PPP2R5E: variants seen among roughly 807,000 people sequenced by gnomAD.
The protein encoded by PPP2R5E is protein phosphatase 2 regulatory subunit B'epsilon.
In PPP2R5E, 4 loss-of-function variants were observed where a neutral mutation model predicts 65.3. The observed-to-expected ratio is 0.06, with a 90% CI of 0.03 to 0.14. PPP2R5E has a LOEUF of 0.14. Ranked by LOEUF, PPP2R5E falls within the 10% of genes least tolerant of loss-of-function variation. The probability of loss-of-function intolerance (pLI) is 1.00; values close to 1 mark genes in which losing one functional copy is unlikely to be tolerated. For missense variants in PPP2R5E, 274 were observed against 556.1 expected (o/e 0.49, Z 5.10); for synonymous variants, 183 against 187.4 (o/e 0.98, Z 0.19).
chr14:63,521,992 G>T (rs898230247), intron 2 of PPP2R5E, among the ~76,000 whole-genome samples: 1 of 114,566 alleles, frequency 8.7e-6, no homozygotes, highest in Non-Finnish European at 1.7e-5. Flanking sequence ...CTCTGATACC[G>T]AGCCGAAGCT....
chr14:63,455,332 T>A (rs1889057537), intron 2 of PPP2R5E, among the ~76,000 whole-genome samples: 1 of 152,172 alleles, frequency 6.6e-6, no homozygotes, highest in Non-Finnish European at 1.5e-5. Context: ...TAAACCTAGA[T>A]GAGAGTGGAT....
chr14:63,514,249 C>A (rs746840145), intron 2 of PPP2R5E, among the ~76,000 whole-genome samples: 12 of 152,142 alleles, frequency 7.9e-5, no homozygotes, highest in Non-Finnish European at 1.5e-4. Flanking sequence ...AACACTTATT[C>A]CACACCTCCT....
intron 2 of PPP2R5E, among the ~76,000 whole-genome samples, chr14:63,522,134 C>G (rs995188115): frequency 6.6e-6 from 1 of 151,996 alleles, no homozygotes; most frequent in Non-Finnish European, 1.5e-5. Flanking sequence ...TTGGTGGAGA[C>G]GGGGTTTCGC....
intron 3 of PPP2R5E, among the ~76,000 whole-genome samples, chr14:63,447,276 T>A (rs1888530952): frequency 6.6e-6 from 1 of 152,262 alleles, no homozygotes; most frequent in Admixed American, 6.5e-5. Context: ...GAAACTCTGT[T>A]GTTTGGTGTA....
chr14:63,506,551 G>C (rs762663765), intron 2 of PPP2R5E, among the ~76,000 whole-genome samples: 1 of 152,166 alleles, frequency 6.6e-6, no homozygotes, highest in East Asian at 1.9e-4. Context: ...CAAATGGCCA[G>C]TAAGAACATG....
intron 3 of PPP2R5E, among the ~76,000 whole-genome samples, chr14:63,445,518 G>A (rs1436386289): frequency 6.6e-6 from 1 of 152,116 alleles, no homozygotes; most frequent in Admixed American, 6.5e-5. Flanking sequence ...GGTAGCTGAA[G>A]GCTGAGGTGG....
chr14:63,390,719 G>A (rs187311365), intron 10 of PPP2R5E, among the ~76,000 whole-genome samples: 3 of 152,288 alleles, frequency 2.0e-5, no homozygotes, highest in African/African-American at 4.8e-5. Context: ...AAATATAGTA[G>A]ACCCTTGCCA....
chr14:63,517,739 C>T (rs908700991), intron 2 of PPP2R5E, among the ~76,000 whole-genome samples: 71 of 152,090 alleles, frequency 4.7e-4, no homozygotes, highest in Non-Finnish European at 8.8e-4. Context: ...AACTTCATTC[C>T]ATTTGTCAAA....
Position 63,503,469 on chromosome 14 carries a change from T to A in PPP2R5E, c.157+36060A>T, listed in dbSNP as rs187027195. 1.4e-3 allele frequency among the ~76,000 whole-genome samples: 210 copies of A among 152,204 alleles called. 1 individual carries two copies. Among genetic ancestry groups the A allele is most frequent in the Middle Eastern group, 3.4e-3 (1 of 294 alleles). ...GACTGCATATCCCCCAGGTAAAAGA[T>A]AGCAAATCAACAACTCCAACCAATT... On this transcript the variant is annotated intron_variant, in intron 2 of 13. Coordinates refer to ENST00000337537, the MANE Select transcript of PPP2R5E (RefSeq NM_006246.5).
rs748146106 is a variant in PPP2R5E at position 63,520,859 on chromosome 14, CAAAAAAAAA to C, written c.157+18661_157+18669del. ...TGAAACCTCATCTCTACTAAAAATA[CAAAAAAAAA>C]AAAAAAAAAAAAAAAAAACAATTAG... is the stretch of plus-strand genomic sequence containing the variant. On this transcript the variant is annotated intron_variant, in intron 2 of 13. Coordinates refer to ENST00000337537, the MANE Select transcript of PPP2R5E (RefSeq NM_006246.5). Among the ~76,000 whole-genome samples, 17 of 58,530 alleles carry C rather than the reference CAAAAAAAAA, an allele frequency of 2.9e-4. No individual in the cohort carries two copies. In the East Asian group the frequency reaches 0.01, roughly 36 times the overall value. The allele number at this position is 58,530 out of a possible 152,430, so 38.4% of individuals were successfully genotyped here.
Position 63,383,142 on chromosome 14 carries a change from T to C in PPP2R5E, c.1203-985A>G, listed in dbSNP as rs936392716. On this transcript the variant is annotated intron_variant, in intron 12 of 13. Transcript: ENST00000337537. ...ATGGTAGCCCATACTTAACAAGAAT[T>C]AGCTCTTGGGCAATGTGAGGACAAG... Among the ~76,000 whole-genome samples the C allele has an allele frequency of 2.6e-5, 4 of 152,190 alleles. No homozygotes were observed. The East Asian group carries it at 7.7e-4, about 29-fold the overall frequency.
At chr14:63,423,521 C>T (rs993837338) in intron 3 of PPP2R5E, among the ~76,000 whole-genome samples, 2 of 152,076 alleles carry the variant, frequency 1.3e-5, no homozygotes, top group African/African-American at 4.8e-5. Flanking sequence ...ATGACCCAAA[C>T]ATATCCTCCT....
At chr14:63,409,333 G>C (rs1394837717) in intron 5 of PPP2R5E, among the ~76,000 whole-genome samples, 1 of 152,090 alleles carries the variant, frequency 6.6e-6, no homozygotes, top group Non-Finnish European at 1.5e-5. Context: ...CTTGAACCCG[G>C]GAGGTGGAGG....
intron 11 of PPP2R5E, among the ~76,000 whole-genome samples, chr14:63,388,495 C>A (rs1024952846): frequency 6.6e-6 from 1 of 152,114 alleles, no homozygotes; most frequent in African/African-American, 2.4e-5. Context: ...TGCCAAACAT[C>A]CTGCTGAAAA....
chr14:63,442,960 A>G (rs1055144673), intron 3 of PPP2R5E, among the ~76,000 whole-genome samples: 8 of 152,222 alleles, frequency 5.3e-5, no homozygotes, highest in Non-Finnish European at 7.3e-5. Context: ...CCCTTCAGCT[A>G]ATAATGTAGC....
At chr14:63,420,698 A>G (rs1340860010) in intron 4 of PPP2R5E, among the ~76,000 whole-genome samples, 1 of 152,194 alleles carries the variant, frequency 6.6e-6, no homozygotes, top group Non-Finnish European at 1.5e-5. Flanking sequence ...GTAGGGGGGA[A>G]AAACTCTTAG....
At chr14:63,515,872 CAG>C (rs1331828931) in intron 2 of PPP2R5E, among the ~76,000 whole-genome samples, 1 of 138,660 alleles carries the variant, frequency 7.2e-6, no homozygotes, top group African/African-American at 2.7e-5. Flanking sequence ...TTTTTTGAGA[CAG>C]AGTCTTGCTC....
At chr14:63,506,061 G>A (rs1892156919) in intron 2 of PPP2R5E, among the ~76,000 whole-genome samples, 1 of 152,100 alleles carries the variant, frequency 6.6e-6, no homozygotes, top group East Asian at 1.9e-4. Context: ...GCACCATCAA[G>A]AAAAGGCAAC....
At chr14:63,486,293 T>TACACACACACACACACAC (rs374427574) in intron 2 of PPP2R5E, among the ~76,000 whole-genome samples, 4 of 127,954 alleles carry the variant, frequency 3.1e-5, no homozygotes, top group African/African-American at 9.5e-5. Context: ...CTTTCCCCAT[T>TACACACACACACACACAC]ACACACACAC....
Sources: allele counts gnomAD v4.1 joint callset (sites outside exome capture counted in the v4.1 genomes callset), GRCh38; gene constraint gnomAD v4.1.1; transcripts MANE v1.5; gene names NCBI Gene and HGNC (gene_info 2026-07-23, HGNC 2026-07-21).